Variants in TRPM8 observed in about 807,000 individuals in gnomAD.
The protein encoded by TRPM8 is TRPM8 cationic channel.
A neutral mutation model predicts 133.7 loss-of-function variants in TRPM8; 110 were observed. That is an observed-to-expected ratio of 0.82 (90% CI 0.70 to 0.96). The LOEUF is 0.96. Among genes scored for constraint, TRPM8 ranks in the 40% least tolerant of loss-of-function variants. The pLI, the probability that TRPM8 is intolerant of heterozygous loss-of-function variation, is 0.00. For synonymous variants in TRPM8, 535 were observed against 532.3 expected (o/e 1.01, Z -0.07); for missense variants, 1,291 against 1,379.5 (o/e 0.94, Z 1.02).
chr2:234,008,110 T>A lies in TRPM8; in HGVS notation c.3264+7T>A. 7 of 1,599,242 alleles carry A rather than the reference T, an allele frequency of 4.4e-6. No individual in the cohort carries two copies. Among genetic ancestry groups the A allele is most frequent in the Non-Finnish European group, 5.9e-6 (7 of 1,176,612 alleles). On this transcript the variant is annotated splice_region_variant and intron_variant, in intron 24 of 25. Coordinates refer to ENST00000324695, the MANE Select transcript of TRPM8 (RefSeq NM_024080.5). ...TAGACAACTGGATACAAAGGTATGGTTCTGTTAATAGTTTGGATTTTTTTT... is the reference window on the plus strand; with the variant it reads ...TAGACAACTGGATACAAAGGTATGGATCTGTTAATAGTTTGGATTTTTTTT...
intron 22 of TRPM8, among the ~76,000 whole-genome samples, chr2:233,997,789 CAT>C (rs1175876589): frequency 1.3e-5 from 2 of 152,176 alleles, no homozygotes; most frequent in Non-Finnish European, 2.9e-5. Flanking sequence ...TTCTCTCTCT[CAT>C]GTGGTCACCT....
chr2:233,985,931 G>A (rs945213774), intron 21 of TRPM8, 66 bp downstream of exon 21: 22 of 1,483,328 alleles, frequency 1.5e-5, no homozygotes, highest in Non-Finnish European at 2.0e-5. Flanking sequence ...GGCTGGAGGT[G>A]CTGGGAGCAT....
chr2:233,972,695 C>T (rs954021955), intron 17 of TRPM8, among the ~76,000 whole-genome samples: 20 of 152,214 alleles, frequency 1.3e-4, no homozygotes, highest in Non-Finnish European at 2.4e-4. Flanking sequence ...GTACACTCTC[C>T]GCAGCCACTG....
At chr2:233,927,664 G>T (rs1053221266) in intron 2 of TRPM8, among the ~76,000 whole-genome samples, 1 of 152,108 alleles carries the variant, frequency 6.6e-6, no homozygotes, top group Non-Finnish European at 1.5e-5. Flanking sequence ...TTCTGGAGGG[G>T]TCCACCTGGC....
chr2:233,927,962 T>TCTCTCTCTCTCTCTCTCTCTCTC (rs1559516800), intron 2 of TRPM8, among the ~76,000 whole-genome samples: 1 of 31,410 alleles, frequency 3.2e-5, no homozygotes, highest in South Asian at 1.1e-3. Flanking sequence ...CTCTCTCTCT[T>TCTCTCTCTCTCTCTCTCTCTCTC]TCTTTCTTTC....
chr2:233,986,517 G>A (rs560142743), intron 21 of TRPM8, among the ~76,000 whole-genome samples: 153 of 152,254 alleles, frequency 1.0e-3, no homozygotes, highest in African/African-American at 3.5e-3. Flanking sequence ...AGGTATATCA[G>A]CATTTTAAGT....
chr2:234,008,242 T>C, intron 24 of TRPM8, 139 bp downstream of exon 24: 1 of 830,794 alleles, frequency 1.2e-6, no homozygotes, highest in African/African-American at 1.7e-5. Context: ...AGCAGGGTGC[T>C]GGAATGGTAT....
intron 15 of TRPM8, among the ~76,000 whole-genome samples, chr2:233,967,556 G>A (rs1417504226): frequency 1.3e-5 from 2 of 152,226 alleles, no homozygotes; most frequent in African/African-American, 4.8e-5. Flanking sequence ...TTGCACTGCT[G>A]TGAAGTAGCA....
At chr2:233,966,319 A>G (rs1691573984) in intron 14 of TRPM8, among the ~76,000 whole-genome samples, 1 of 152,180 alleles carries the variant, frequency 6.6e-6, no homozygotes, top group African/African-American at 2.4e-5. Flanking sequence ...GCCTGAGCCC[A>G]GATGGAAGCC....
intron 22 of TRPM8, among the ~76,000 whole-genome samples, chr2:233,996,846 G>A (rs537848858): frequency 1.1e-4 from 17 of 152,306 alleles, no homozygotes; most frequent in South Asian, 1.0e-3. Context: ...GCTTTTCATT[G>A]TTCCCGTGAA....
intron 17 of TRPM8, among the ~76,000 whole-genome samples, chr2:233,979,460 T>C (rs749262352): frequency 7.2e-5 from 11 of 152,248 alleles, no homozygotes; most frequent in Non-Finnish European, 1.5e-4. Context: ...AGCTGGTCAC[T>C]CTGGAATTAC....
chr2:233,950,049 C>A lies in TRPM8; in HGVS notation c.1043C>A (p.Ala348Asp). The A allele has an allele frequency of 6.2e-7, 1 of 1,614,138 alleles. No individual in the cohort carries two copies. The highest frequency in any genetic ancestry group is 1.1e-5 in the South Asian group (1 of 91,068). The change falls in exon 9 of 26, where the codon GCC becomes GAC. Residue 348 changes from alanine to aspartate, a missense_variant. Ala to Asp is a moderately radical substitution (Grantham distance 126, BLOSUM62 -2). Around this residue, in one of 2 missense-constraint regions of TRPM8, gnomAD observed 963 missense variants for 968.9 expected, o/e 0.99. Coordinates refer to ENST00000324695, the MANE Select transcript of TRPM8 (RefSeq NM_024080.5). ...VIASLVEVEDALTSSAVKEKL... is the reference protein window; with the variant it reads ...VIASLVEVEDDLTSSAVKEKL... Reference sequence around the variant, plus strand: ...GCTAGCCTGGTGGAGGTGGAGGATGCCCTGACATCTTCTGCCGTCAAGGAG... The same window carrying A: ...GCTAGCCTGGTGGAGGTGGAGGATGACCTGACATCTTCTGCCGTCAAGGAG...
rs574076816 is a variant in TRPM8, at chr2:233,971,962, T to C, written c.2355+1536T>C. 1.9e-4 allele frequency among the ~76,000 whole-genome samples: 29 copies of C among 152,228 alleles called. No individual in the cohort carries two copies. The East Asian group carries it at 4.8e-3, about 25-fold the overall frequency. ...TCTGTTTTGACAGGGCGCTGATTGG[T>C]GCGTTTACAATCCCTGAGCTAGACA... On this transcript the variant is annotated intron_variant, in intron 17 of 25. Coordinates refer to ENST00000324695, the MANE Select transcript of TRPM8 (RefSeq NM_024080.5).
chr2:233,946,516 T>G (rs1691046006), intron 7 of TRPM8, among the ~76,000 whole-genome samples: 1 of 152,240 alleles, frequency 6.6e-6, no homozygotes, highest in Non-Finnish European at 1.5e-5. Flanking sequence ...AAGCCATTAT[T>G]TGCCGTGGTT....
rs1490992389 is a variant in TRPM8, at chr2:233,985,846, C to CT, written c.2921dup (p.Leu975AlafsTer17). ...ATCCACCAACATCCTGCTGGTCAAC[C>CT]TGCTGGTCGCCATGTTTGGGTATGT... On this transcript the variant is annotated frameshift_variant, in exon 21 of 26. Transcript: ENST00000324695. LOFTEE classifies it high-confidence loss of function. 6.2e-7 allele frequency: 1 copy of CT among 1,613,708 alleles called. No homozygotes were observed. Among genetic ancestry groups the CT allele is most frequent in the African/African-American group, 1.3e-5 (1 of 74,918 alleles).
At chr2:233,949,906 G>T in intron 8 of TRPM8, 43 bp from the exon 9 acceptor site, 1 of 1,598,370 alleles carries the variant, frequency 6.3e-7, no homozygotes, top group South Asian at 1.1e-5. Context: ...GGGTTCTGTG[G>T]ACCAAGGTCT....
At chr2:233,987,286 C>T (rs1027732517) in intron 21 of TRPM8, among the ~76,000 whole-genome samples, 1 of 152,052 alleles carries the variant, frequency 6.6e-6, no homozygotes, top group Non-Finnish European at 1.5e-5. Context: ...AAACAAATTG[C>T]AAATTAATTT....
At chr2:233,965,046 T>G (rs1439419274) in intron 14 of TRPM8, among the ~76,000 whole-genome samples, 2 of 73,080 alleles carry the variant, frequency 2.7e-5, no homozygotes, top group Non-Finnish European at 5.0e-5. Flanking sequence ...TGGACTACTT[T>G]TTTTTGTGGG....
At chr2:233,963,454 C>T (rs1348101342) in intron 13 of TRPM8, 77 bp downstream of exon 13, 19 of 825,872 alleles carry the variant, frequency 2.3e-5, no homozygotes, top group Non-Finnish European at 3.5e-5. Context: ...TCAAAATTCG[C>T]ATGCCTAATA....
Sources: gnomAD v4.1 joint callset for allele counts (sites outside exome capture counted in the v4.1 genomes callset) on GRCh38, gnomAD v4.1.1 for gene constraint, gnomAD v4.1.1 regional missense constraint, MANE v1.5 for transcripts, NCBI Gene and HGNC (gene_info 2026-07-23, HGNC 2026-07-21) for gene names.